Variants in TBC1D32 observed in about 807,000 individuals in gnomAD.
TBC1D32 encodes the protein protein broad-minded.
Under a neutral mutation model 170.3 loss-of-function variants are expected in TBC1D32, and 151 were observed. The observed-to-expected ratio is 0.89, with a 90% CI of 0.78 to 1.01. The LOEUF is 1.01. Ranked by LOEUF, TBC1D32 falls within the 50% of genes least tolerant of loss-of-function variation. The pLI is 0.00. For missense variants in TBC1D32, 1,464 were observed against 1,457.1 expected, an observed-to-expected ratio of 1.00 and a Z score of -0.08; for synonymous variants, 498 against 488.0, an observed-to-expected ratio of 1.02 and a Z score of -0.27.
intron 17 of TBC1D32, among the ~76,000 whole-genome samples, chr6:121,248,575 GA>G (rs1190323523): frequency 1.3e-5 from 2 of 151,676 alleles, no homozygotes; most frequent in Non-Finnish European, 2.9e-5. Flanking sequence ...GATTAACCAA[GA>G]AAAAAGCAGA....
intron 17 of TBC1D32, among the ~76,000 whole-genome samples, chr6:121,254,922 CT>C (rs1276140694): frequency 6.6e-6 from 1 of 151,848 alleles, no homozygotes; most frequent in African/African-American, 2.4e-5. Context: ...AAGCCAAAAC[CT>C]AACTGAAATG....
chr6:121,252,814 C>A (rs1033242897), intron 17 of TBC1D32, among the ~76,000 whole-genome samples: 14 of 151,978 alleles, frequency 9.2e-5, no homozygotes, highest in African/African-American at 3.4e-4. Context: ...ATACTTACAG[C>A]CAACTGATCT....
intron 21 of TBC1D32, among the ~76,000 whole-genome samples, chr6:121,209,702 G>A (rs917210495): frequency 1.3e-5 from 2 of 152,158 alleles, no homozygotes; most frequent in South Asian, 4.1e-4. Context: ...AACTAATGCA[G>A]GCAGTCTGGC....
At chr6:121,120,719 G>C (rs970532074) in intron 26 of TBC1D32, among the ~76,000 whole-genome samples, 1 of 151,914 alleles carries the variant, frequency 6.6e-6, no homozygotes, top group African/African-American at 2.4e-5. Flanking sequence ...CTAGTTCAGA[G>C]AACAGTTATA....
intron 17 of TBC1D32, among the ~76,000 whole-genome samples, chr6:121,252,267 T>A (rs148591484): frequency 6.6e-6 from 1 of 152,190 alleles, no homozygotes; most frequent in Non-Finnish European, 1.5e-5. Context: ...TAAAGACACA[T>A]GCACACATAT....
intron 15 of TBC1D32, among the ~76,000 whole-genome samples, chr6:121,271,443 A>G (rs1801414487): frequency 6.6e-6 from 1 of 152,152 alleles, no homozygotes; most frequent in Non-Finnish European, 1.5e-5. Flanking sequence ...ACGTGTAAAA[A>G]TCACAGGCAT....
chr6:121,141,721 G>A (rs1194023046), intron 24 of TBC1D32, among the ~76,000 whole-genome samples: 1 of 151,980 alleles, frequency 6.6e-6, no homozygotes, highest in Non-Finnish European at 1.5e-5. Flanking sequence ...GTATACTGAA[G>A]AGAAATGAAA....
intron 30 of TBC1D32, among the ~76,000 whole-genome samples, chr6:121,101,509 C>A (rs965747770): frequency 6.9e-4 from 105 of 152,200 alleles, no homozygotes; most frequent in African/African-American, 2.0e-3. Flanking sequence ...TCAATAGATG[C>A]AGAAAAGGCC....
chr6:121,133,633 C>T (rs140913545), intron 24 of TBC1D32, among the ~76,000 whole-genome samples: 8 of 152,034 alleles, frequency 5.3e-5, no homozygotes, highest in East Asian at 1.9e-4. Context: ...TTGACATTTA[C>T]GTCAGAAAAA....
chr6:121,149,603 T>A (rs1439881586), intron 24 of TBC1D32, among the ~76,000 whole-genome samples: 2 of 152,160 alleles, frequency 1.3e-5, no homozygotes, highest in African/African-American at 4.8e-5. Flanking sequence ...TCTGTTCTGT[T>A]CCATTGGTCT....
At chr6:121,237,217 G>A (rs977904581) in intron 20 of TBC1D32, among the ~76,000 whole-genome samples, 24 of 151,840 alleles carry the variant, frequency 1.6e-4, no homozygotes, top group Non-Finnish European at 3.2e-4. Context: ...ATGCTCTACT[G>A]CCTCCTGGTT....
At chr6:121,187,998 G>C (rs1218136046) in intron 22 of TBC1D32, among the ~76,000 whole-genome samples, 1 of 152,074 alleles carries the variant, frequency 6.6e-6, no homozygotes, top group East Asian at 1.9e-4. Flanking sequence ...TATGGGTTAG[G>C]CATTACATTC....
At position 121,323,731 on chromosome 6, in the gene TBC1D32, G is replaced by C. The variant is rs532138635; in HGVS notation, c.156-1937C>G. Reference sequence around the variant, plus strand: ...CCAACGTGGGCGGATCACAAGGTCAGGAGATCGAGACCATCCTGGCCAGTA... The same window carrying C: ...CCAACGTGGGCGGATCACAAGGTCACGAGATCGAGACCATCCTGGCCAGTA... On this transcript the variant is annotated intron_variant, in intron 1 of 31. Transcript: ENST00000398212. Among the ~76,000 whole-genome samples, 292 of 152,300 alleles carry C rather than the reference G, an allele frequency of 1.9e-3. 1 individual carries two copies. The highest frequency in any genetic ancestry group is 6.5e-3 in the African/African-American group (271 of 41,570).
chr6:121,151,141 AG>A (rs1784162042), intron 24 of TBC1D32, among the ~76,000 whole-genome samples: 2 of 152,148 alleles, frequency 1.3e-5, no homozygotes, highest in Non-Finnish European at 2.9e-5. Flanking sequence ...GTGGGCATTT[AG>A]TGCTATAAAT....
chr6:121,318,996 A>G (rs943978243), intron 2 of TBC1D32, among the ~76,000 whole-genome samples: 7 of 150,304 alleles, frequency 4.7e-5, no homozygotes, highest in Non-Finnish European at 8.9e-5. Context: ...GATTTTATAT[A>G]AAAAGTATAA....
intron 15 of TBC1D32, among the ~76,000 whole-genome samples, chr6:121,264,338 A>C (rs1488911965): frequency 6.6e-6 from 1 of 152,168 alleles, no homozygotes; most frequent in Non-Finnish European, 1.5e-5. Flanking sequence ...GAAATGGTTA[A>C]ATTCCTGGAC....
chr6:121,186,371 C>G (rs1789213566), intron 22 of TBC1D32, among the ~76,000 whole-genome samples: 1 of 151,750 alleles, frequency 6.6e-6, no homozygotes, highest in Non-Finnish European at 1.5e-5. Flanking sequence ...AAGACTAACG[C>G]AAACCAATAC....
chr6:121,274,315 A>C (rs1198245207), intron 15 of TBC1D32, among the ~76,000 whole-genome samples: 1 of 152,038 alleles, frequency 6.6e-6, no homozygotes, highest in South Asian at 2.1e-4. Flanking sequence ...CCTGGGCGAC[A>C]GAGTCATGAG....
At chr6:121,283,420 T>A (rs772611305) in intron 13 of TBC1D32, among the ~76,000 whole-genome samples, 1 of 151,818 alleles carries the variant, frequency 6.6e-6, no homozygotes, top group Non-Finnish European at 1.5e-5. Context: ...GATTGGAGTT[T>A]TGGATGTAAG....
Sources: allele counts gnomAD v4.1 joint callset (sites outside exome capture counted in the v4.1 genomes callset), GRCh38; gene constraint gnomAD v4.1.1; transcripts MANE v1.5; gene names NCBI Gene and HGNC (gene_info 2026-07-23, HGNC 2026-07-21).